MGAT4C: variants seen among roughly 807,000 people sequenced by gnomAD.
MGAT4C encodes the protein alpha-1,3-mannosyl-glycoprotein 4-beta-N-acetylglucosaminyltransferase C.
In MGAT4C, 19 loss-of-function variants were observed where a neutral mutation model predicts 40.1. That is an observed-to-expected ratio of 0.47 (90% CI 0.33 to 0.70). The LOEUF is 0.70. Among genes scored for constraint, MGAT4C ranks in the 30% least tolerant of loss-of-function variants. MGAT4C has a pLI of 0.02. For missense variants in MGAT4C, 491 were observed against 563.2 expected (o/e 0.87, Z 1.30); for synonymous variants, 181 against 187.1 (o/e 0.97, Z 0.27).
chr12:86,044,927 T>A (rs7966352), intron 2 of MGAT4C, among the ~76,000 whole-genome samples: 1 of 151,826 alleles, frequency 6.6e-6, no homozygotes, highest in African/African-American at 2.4e-5. Context: ...ATCTCAGGTT[T>A]CCAGGATTCC....
intron 3 of MGAT4C, among the ~76,000 whole-genome samples, chr12:86,380,511 A>G (rs1955908539): frequency 6.6e-6 from 1 of 152,174 alleles, no homozygotes; most frequent in Admixed American, 6.6e-5. Flanking sequence ...CGTTTGGTAG[A>G]AAGTAAACCA....
chr12:86,805,057 ATTG>A (rs1164643471), intron 1 of MGAT4C, among the ~76,000 whole-genome samples: 7 of 152,126 alleles, frequency 4.6e-5, no homozygotes, highest in South Asian at 2.1e-4. Flanking sequence ...TGCCAATTAT[ATTG>A]TTATCAGAAA....
chr12:86,466,937 TCTG>T (rs1957690760), intron 2 of MGAT4C, among the ~76,000 whole-genome samples: 2 of 152,350 alleles, frequency 1.3e-5, no homozygotes, highest in East Asian at 3.9e-4. Flanking sequence ...TTTTTACTAA[TCTG>T]CTGGTATTTA....
intron 1 of MGAT4C, among the ~76,000 whole-genome samples, chr12:86,752,327 A>G (rs957254263): frequency 2.0e-5 from 3 of 152,106 alleles, no homozygotes; most frequent in Admixed American, 2.0e-4. Flanking sequence ...ACAAAATTTC[A>G]TAAAAAGTGA....
intron 1 of MGAT4C, among the ~76,000 whole-genome samples, chr12:86,130,324 A>G (rs868646019): frequency 6.6e-6 from 1 of 152,344 alleles, no homozygotes; most frequent in South Asian, 2.1e-4. Context: ...AATATGAAAT[A>G]TAAGAAATGT....
intron 2 of MGAT4C, among the ~76,000 whole-genome samples, chr12:86,024,642 G>A (rs1890088507): frequency 6.6e-6 from 1 of 151,686 alleles, no homozygotes; most frequent in Non-Finnish European, 1.5e-5. Context: ...GTTAACTCAA[G>A]GTGGTAATTC....
intron 4 of MGAT4C, among the ~76,000 whole-genome samples, chr12:86,329,940 G>A (rs561084478): frequency 1.3e-5 from 2 of 152,236 alleles, no homozygotes; most frequent in African/African-American, 4.8e-5. Flanking sequence ...AGGTGTTTGT[G>A]TGTTTCTTTA....
intron 2 of MGAT4C, among the ~76,000 whole-genome samples, chr12:86,658,653 CTCTT>C (rs1338246726): frequency 6.6e-6 from 1 of 152,116 alleles, no homozygotes; most frequent in Non-Finnish European, 1.5e-5. Context: ...CACAAACTCT[CTCTT>C]CTACTTTATG....
chr12:86,045,216 CCTT>C (rs2136951407), intron 2 of MGAT4C, among the ~76,000 whole-genome samples: 1 of 152,212 alleles, frequency 6.6e-6, no homozygotes, highest in East Asian at 1.9e-4. Flanking sequence ...ACTGAGACAA[CCTT>C]CTTTTGTTTT....
intron 4 of MGAT4C, among the ~76,000 whole-genome samples, chr12:86,294,753 C>G (rs902290108): frequency 6.6e-6 from 1 of 152,148 alleles, no homozygotes; most frequent in African/African-American, 2.4e-5. Flanking sequence ...GTCCCAGTAT[C>G]AGCAGACTAT....
At chr12:86,632,576 C>A (rs1963090692) in intron 2 of MGAT4C, among the ~76,000 whole-genome samples, 1 of 152,006 alleles carries the variant, frequency 6.6e-6, no homozygotes, top group Non-Finnish European at 1.5e-5. Flanking sequence ...ACTATGCAGC[C>A]ATAAAAAAGG....
chr12:86,107,103 A>G (rs1876328448), intron 1 of MGAT4C, among the ~76,000 whole-genome samples: 1 of 152,178 alleles, frequency 6.6e-6, no homozygotes, highest in Non-Finnish European at 1.5e-5. Context: ...AAGCTTTTAT[A>G]CTTACAGATT....
At chr12:86,458,734 T>G (rs1166682530) in intron 2 of MGAT4C, among the ~76,000 whole-genome samples, 1 of 152,204 alleles carries the variant, frequency 6.6e-6, no homozygotes, top group African/African-American at 2.4e-5. Flanking sequence ...ATGATAATTA[T>G]CTCACAAAAT....
intron 2 of MGAT4C, among the ~76,000 whole-genome samples, chr12:86,508,207 C>T (rs189936108): frequency 2.0e-5 from 3 of 152,064 alleles, no homozygotes; most frequent in Non-Finnish European, 4.4e-5. Context: ...ATCCCTCCCC[C>T]CTTCCCCCAC....
At chr12:86,545,023 C>T (rs1197666552) in intron 2 of MGAT4C, among the ~76,000 whole-genome samples, 2 of 152,010 alleles carry the variant, frequency 1.3e-5, no homozygotes, top group Non-Finnish European at 2.9e-5. Context: ...TCCAAAAATT[C>T]TATGTCCAAA....
chr12:86,125,332 C>T (rs1411205437), intron 1 of MGAT4C, among the ~76,000 whole-genome samples: 1 of 152,152 alleles, frequency 6.6e-6, no homozygotes, highest in Non-Finnish European at 1.5e-5. Context: ...TTCCAGGCTG[C>T]TACATCCCAC....
intron 2 of MGAT4C, among the ~76,000 whole-genome samples, chr12:86,539,883 T>C (rs556843988): frequency 6.6e-6 from 1 of 152,228 alleles, no homozygotes; most frequent in Admixed American, 6.5e-5. Context: ...ATTTTTTTTC[T>C]TGTAAATTTG....
chr12:86,156,883 T>C (rs1885007535), intron 1 of MGAT4C, among the ~76,000 whole-genome samples: 1 of 152,168 alleles, frequency 6.6e-6, no homozygotes, highest in Non-Finnish European at 1.5e-5. Flanking sequence ...AAGATAATTC[T>C]CCAGAAGAAA....
intron 1 of MGAT4C, among the ~76,000 whole-genome samples, chr12:86,828,795 C>T (rs923286119): frequency 6.0e-5 from 9 of 151,220 alleles, no homozygotes; most frequent in Non-Finnish European, 8.9e-5. Flanking sequence ...TTATGTGAAA[C>T]GTCCAAAAAA....
Sources: gnomAD v4.1 joint callset for allele counts (sites outside exome capture counted in the v4.1 genomes callset) on GRCh38, gnomAD v4.1.1 for gene constraint, MANE v1.5 for transcripts, NCBI Gene and HGNC (gene_info 2026-07-23, HGNC 2026-07-21) for gene names.